Variants in PCDHGA5 observed in about 807,000 individuals in gnomAD.
PCDHGA5 encodes the protein protocadherin gamma-A5.
PCDHGA5 carries 36 observed loss-of-function variants against 56.7 expected under a neutral mutation model. The ratio of observed to expected loss-of-function variants is 0.64; its 90% CI spans 0.49 to 0.84. The LOEUF is 0.84. PCDHGA5 is among the 40% of genes least tolerant of loss of function. The pLI, the probability that PCDHGA5 is intolerant of heterozygous loss-of-function variation, is 0.00. For missense variants in PCDHGA5, 1,305 were observed against 1,201.5 expected (o/e 1.09, Z -1.27); for synonymous variants, 563 against 520.2 (o/e 1.08, Z -1.12).
At chr5:141,370,379 A>G in intron 1 of PCDHGA5, 2 of 1,529,484 alleles carry the variant, frequency 1.3e-6, no homozygotes, top group Non-Finnish European at 1.8e-6. Flanking sequence ...AGAAAGGCAA[A>G]GGCGCAGAGA....
At chr5:141,387,441 T>G (rs2150335837) in intron 1 of PCDHGA5, among the ~76,000 whole-genome samples, 1 of 152,370 alleles carries the variant, frequency 6.6e-6, no homozygotes, top group South Asian at 2.1e-4. Flanking sequence ...ATGTACTTAA[T>G]CTACATGATT....
rs756216038 is a variant in PCDHGA5, at chr5:141,477,967, C to G, written c.2422-16840C>G. 1.9e-6 allele frequency: 3 copies of G among 1,614,032 alleles called. No homozygotes were observed. Among genetic ancestry groups the G allele is most frequent in the Admixed American group, 3.3e-5 (2 of 59,996 alleles). ...GTCTCTTGGGATCCCCTAACCAGAG[C>G]CTTTTTGCCATAGGGCTGCACACTG... On this transcript the variant is annotated intron_variant, in intron 1 of 3. Transcript: ENST00000518069. The surrounding 1 kb of genome is among the most constrained non-coding windows in gnomAD (Gnocchi z 4.9).
chr5:141,423,758 G>GGT (rs138224377), intron 1 of PCDHGA5: 10 of 366,772 alleles, frequency 2.7e-5, no homozygotes, highest in Non-Finnish European at 1.5e-5. Flanking sequence ...TTTGGGGGGG[G>GGT]GGTGGGGCGG....
intron 1 of PCDHGA5, chr5:141,377,804 G>A (rs1588845842): frequency 6.6e-6 from 1 of 152,230 alleles, no homozygotes; most frequent in Middle Eastern, 3.4e-3. Flanking sequence ...GTAACTATCT[G>A]TTATTTACTT....
chr5:141,406,757 A>C (rs1274112027), intron 1 of PCDHGA5, among the ~76,000 whole-genome samples: 3 of 152,230 alleles, frequency 2.0e-5, no homozygotes, highest in Non-Finnish European at 4.4e-5. Context: ...CAAAACAAGG[A>C]ATTAAAAATA....
At chr5:141,449,055 A>T (rs1056298558) in intron 1 of PCDHGA5, among the ~76,000 whole-genome samples, 1 of 152,188 alleles carries the variant, frequency 6.6e-6, no homozygotes, top group Non-Finnish European at 1.5e-5. Context: ...CTCATAAATG[A>T]GCGCTATTGA....
At chr5:141,433,028 G>C in intron 1 of PCDHGA5, 1 of 1,614,116 alleles carries the variant, frequency 6.2e-7, no homozygotes, top group Non-Finnish European at 8.5e-7. Context: ...TTCCCACGAG[G>C]TTTCCCTCAC....
chr5:141,389,424 G>A lies in PCDHGA5; in HGVS notation c.2421+22673G>A, dbSNP rs746873845. 51 of 1,613,390 alleles carry A rather than the reference G, an allele frequency of 3.2e-5. No homozygotes were observed. Among genetic ancestry groups the A allele is most frequent in the East Asian group, 8.9e-5 (4 of 44,896 alleles). The stretch of plus-strand genomic sequence containing the variant: ...AAGCGCGGAGAGCGGGGTGGTGTTC[G>A]CGCAGCGCGCCTTCGACCACGAGCA... On this transcript the variant is annotated intron_variant, in intron 1 of 3. Transcript: ENST00000518069.
rs373430964 is a variant in PCDHGA5, at chr5:141,374,999, A to G, written c.2421+8248A>G. The G allele has an allele frequency of 1.1e-5, 17 of 1,613,928 alleles. No homozygotes were observed. The African/African-American group carries it at 2.1e-4, about 20-fold the overall frequency. On this transcript the variant is annotated intron_variant, in intron 1 of 3. Transcript: ENST00000518069. ...GACTGGAGAAATTTCAACTTCTGCA[A>G]ATCTAGACTATGAGGACTCGAGTTT...
rs557311426 is a variant in PCDHGA5, at chr5:141,384,226, G to T, written c.2421+17475G>T. 56 of 1,613,860 alleles carry T rather than the reference G, an allele frequency of 3.5e-5. No homozygotes were observed. In the East Asian group the frequency reaches 1.2e-3, roughly 34 times the overall value. ...GGAAACTCACATATTCATGCAGGTGGCAGACACCAACGATAACCCACCCAC... is the reference window on the plus strand; with the variant it reads ...GGAAACTCACATATTCATGCAGGTGTCAGACACCAACGATAACCCACCCAC... On this transcript the variant is annotated intron_variant, in intron 1 of 3. Coordinates refer to ENST00000518069, the MANE Select transcript of PCDHGA5 (RefSeq NM_018918.3).
chr5:141,378,889 T>C (rs185717248), intron 1 of PCDHGA5: 2 of 152,352 alleles, frequency 1.3e-5, no homozygotes, highest in Admixed American at 6.5e-5. Flanking sequence ...ACTAAGGAGA[T>C]AGGAGATTCT....
At chr5:141,366,829 T>A in intron 1 of PCDHGA5, 78 bp downstream of exon 1, 1 of 1,527,578 alleles carries the variant, frequency 6.5e-7, no homozygotes, top group Non-Finnish European at 8.8e-7. Flanking sequence ...ATATTCAGAA[T>A]CAGCTAGTTA....
At position 141,485,074 on chromosome 5, in the gene PCDHGA5, G is replaced by T. The variant is rs2099606548; in HGVS notation, c.2422-9733G>T. On this transcript the variant is annotated intron_variant, in intron 1 of 3. Transcript: ENST00000518069. The surrounding 1 kb of genome is among the most constrained non-coding windows in gnomAD (Gnocchi z 5.7). ...GGCCGAACCGCGCCAGAGCTGGCGCGGGGAAAGGGAGATAGGTGTCTCCAG... is the reference window on the plus strand; with the variant it reads ...GGCCGAACCGCGCCAGAGCTGGCGCTGGGAAAGGGAGATAGGTGTCTCCAG... The T allele has an allele frequency of 2.2e-6, 2 of 926,946 alleles. No homozygotes were observed. The highest frequency in any genetic ancestry group is 3.4e-6 in the Non-Finnish European group (2 of 596,630). 57.4% of individuals were successfully genotyped at this position (926,946 alleles called of 1,614,324 possible). A position where few individuals can be genotyped will look rare whatever the true frequency, so the allele number is the denominator to read the frequency against.
In PCDHGA5 at chr5:141,431,501, C is replaced by G; in HGVS notation, c.2422-63306C>G. On this transcript the variant is annotated intron_variant, in intron 1 of 3. Coordinates refer to ENST00000518069, the MANE Select transcript of PCDHGA5 (RefSeq NM_018918.3). This position sits in a 1 kb window ranked among gnomAD's most constrained non-coding sequence, Gnocchi z 4.8. ...ACCAGCGTTTGCTCAGCCCGAGTAC[C>G]GCGCGAGCGTTCCGGAGAATCTGGC... is the stretch of plus-strand genomic sequence containing the variant. 1 of 1,614,010 alleles carries G rather than the reference C, an allele frequency of 6.2e-7. No homozygotes were observed. The highest frequency in any genetic ancestry group is 8.5e-7 in the Non-Finnish European group (1 of 1,180,034).
intron 1 of PCDHGA5, among the ~76,000 whole-genome samples, chr5:141,461,616 T>A (rs1399885412): frequency 6.6e-6 from 1 of 152,236 alleles, no homozygotes; most frequent in African/African-American, 2.4e-5. Context: ...CAAAGTATTT[T>A]CTAATACACC....
intron 1 of PCDHGA5, chr5:141,403,199 A>AC (rs1480420470): frequency 6.2e-7 from 1 of 1,613,812 alleles, no homozygotes; most frequent in African/African-American, 1.3e-5. Flanking sequence ...GCGCAGCGGC[A>AC]CCTTGGTCAC....
intron 1 of PCDHGA5, chr5:141,374,871 CA>C: frequency 6.2e-7 from 1 of 1,613,662 alleles, no homozygotes; most frequent in South Asian, 1.1e-5. Flanking sequence ...CCAGTGTTGG[CA>C]GTGACTGCCA....
At chr5:141,430,567 A>G in intron 1 of PCDHGA5, 1 of 434,308 alleles carries the variant, frequency 2.3e-6, no homozygotes, top group Non-Finnish European at 3.9e-6. Context: ...GGGGAGAGAA[A>G]AGCGGAGATC....
rs1764642074 is a variant in PCDHGA5 at position 141,366,556 on chromosome 5, C to A, written c.2226C>A (p.Gly742=). The stretch of plus-strand genomic sequence containing the variant: ...GTGTGCCCGCCTCGCACTTTGTGGG[C>A]GTGGATGGGGTTCGGGCTTTCCTGC... ...LAGVPASHFV[G]VDGVRAFLQT... The change falls in exon 1 of 4, where the codon GGC becomes GGA. Residue 742 remains glycine (G), a synonymous_variant. Coordinates refer to ENST00000518069, the MANE Select transcript of PCDHGA5 (RefSeq NM_018918.3). The A allele has an allele frequency of 6.2e-7, 1 of 1,614,234 alleles. No homozygotes were observed. Among genetic ancestry groups the A allele is most frequent in the Non-Finnish European group, 8.5e-7 (1 of 1,180,044 alleles).
Sources: gnomAD v4.1 joint callset for allele counts (sites outside exome capture counted in the v4.1 genomes callset) on GRCh38, gnomAD v4.1.1 for gene constraint, Gnocchi (gnomAD v3.1) non-coding constraint, MANE v1.5 for transcripts, NCBI Gene and HGNC (gene_info 2026-07-23, HGNC 2026-07-21) for gene names.